Variants in TRPV4 observed in about 807,000 individuals in gnomAD.
TRPV4 encodes transient receptor potential cation channel subfamily V member 4, also known as OSM9-like transient receptor potential channel 4.
A neutral mutation model predicts 84.1 loss-of-function variants in TRPV4; 58 were observed. The ratio of observed to expected loss-of-function variants is 0.69; its 90% CI spans 0.56 to 0.86. TRPV4 has a LOEUF of 0.86. Ranked by LOEUF, TRPV4 falls within the 40% of genes least tolerant of loss-of-function variation. The pLI is 0.00. For missense variants in TRPV4, 879 were observed against 1,181.1 expected (o/e 0.74, Z 3.75); for synonymous variants, 489 against 500.9 (o/e 0.98, Z 0.32).
At chr12:109,817,295 C>T (rs1442950009) in intron 1 of TRPV4, among the ~76,000 whole-genome samples, 3 of 152,088 alleles carry the variant, frequency 2.0e-5, no homozygotes, top group Non-Finnish European at 4.4e-5. Context: ...GCCCTGAGGT[C>T]AGGGGGAGAC....
At chr12:109,794,926 G>A (rs1890298119) in intron 7 of TRPV4, among the ~76,000 whole-genome samples, 2 of 152,180 alleles carry the variant, frequency 1.3e-5, no homozygotes, top group Non-Finnish European at 2.9e-5. Context: ...GCTGAGGCAG[G>A]AGAATCACTT....
chr12:109,797,480 G>A (rs1046678115), intron 6 of TRPV4, among the ~76,000 whole-genome samples: 1 of 151,638 alleles, frequency 6.6e-6, no homozygotes, highest in Non-Finnish European at 1.5e-5. Context: ...TTGAGACAGG[G>A]TCTGGCTCTG....
At chr12:109,792,232 A>C in intron 12 of TRPV4, 131 bp downstream of exon 12, 4 of 796,354 alleles carry the variant, frequency 5.0e-6, no homozygotes, top group Non-Finnish European at 6.0e-6. Flanking sequence ...AACAGGAGCA[A>C]AACTCCACCT....
rs74707165 is a variant in TRPV4 at position 109,815,966 on chromosome 12, C to G, written c.-31-1139G>C. Among the ~76,000 whole-genome samples, 1,207 of 152,344 alleles carry G rather than the reference C, an allele frequency of 7.9e-3. 9 individuals are homozygous for G. Among genetic ancestry groups the G allele is most frequent in the Non-Finnish European group, 0.012 (845 of 68,028 alleles). On this transcript the variant is annotated intron_variant, in intron 1 of 15. Transcript: ENST00000261740. This position sits in a 1 kb window ranked among gnomAD's most constrained non-coding sequence, Gnocchi z 4.1. ...TGGTTGGCTGTCAGTGCCCTGCTCT[C>G]TGTAGCATGGTGCCAGCCAGGCAGG...
rs957376544 is a variant in TRPV4, at chr12:109,783,988, C to T, written c.2459-210G>A. Among the ~76,000 whole-genome samples the T allele has an allele frequency of 3.2e-4, 49 of 152,142 alleles. No homozygotes were observed. Among genetic ancestry groups the T allele is most frequent in the African/African-American group, 8.9e-4 (37 of 41,432 alleles). On this transcript the variant is annotated intron_variant, in intron 15 of 15. Coordinates refer to ENST00000261740, the MANE Select transcript of TRPV4 (RefSeq NM_021625.5). The surrounding 1 kb of genome is among the most constrained non-coding windows in gnomAD (Gnocchi z 4.6). ...AGGAACCAGGATTCAAGCCTGGAGC[C>T]GAATGCCCTGAGTGCCTGTGTCCTC... is the stretch of plus-strand genomic sequence containing the variant.
chr12:109,806,759 G>A (rs941757539), intron 3 of TRPV4, among the ~76,000 whole-genome samples: 2 of 151,156 alleles, frequency 1.3e-5, no homozygotes, highest in Non-Finnish European at 2.9e-5. Context: ...TACTCTCGAG[G>A]CCGAAGCAGG....
intron 2 of TRPV4, 25 bp from the exon 3 acceptor site, chr12:109,808,493 G>T (rs775393210): frequency 6.2e-7 from 1 of 1,604,104 alleles, no homozygotes; most frequent in East Asian, 2.2e-5. Context: ...GAGGCAAGTT[G>T]ATGGGAGGGC....
chr12:109,792,580 T>C, intron 11 of TRPV4, 72 bp downstream of exon 11: 4 of 1,600,210 alleles, frequency 2.5e-6, no homozygotes, highest in Non-Finnish European at 3.4e-6. Context: ...TGCAGGTGCA[T>C]AAGTGTGCAT....
intron 8 of TRPV4, 140 bp downstream of exon 8, chr12:109,794,189 T>C: frequency 3.3e-6 from 4 of 1,230,684 alleles, no homozygotes; most frequent in Non-Finnish European, 4.6e-6. Flanking sequence ...CCGTGGATGC[T>C]GGAGGGCGCC....
chr12:109,785,497 C>T (rs1025266683), intron 14 of TRPV4, among the ~76,000 whole-genome samples: 1 of 152,020 alleles, frequency 6.6e-6, no homozygotes, highest in African/African-American at 2.4e-5. Flanking sequence ...CGGCTCACTG[C>T]AACCTCCACC....
chr12:109,813,194 G>A (rs900037513), intron 2 of TRPV4, among the ~76,000 whole-genome samples: 2 of 152,110 alleles, frequency 1.3e-5, no homozygotes, highest in Non-Finnish European at 2.9e-5. Flanking sequence ...GGTGGATCAC[G>A]AGGTCAGGAG....
chr12:109,800,370 G>A (rs1170066180), intron 5 of TRPV4, among the ~76,000 whole-genome samples: 6 of 151,770 alleles, frequency 4.0e-5, no homozygotes, highest in Non-Finnish European at 8.8e-5. Flanking sequence ...GTGAGACACC[G>A]TGCCTGGCTG....
chr12:109,803,878 G>A (rs11068375), intron 3 of TRPV4, among the ~76,000 whole-genome samples: 36,673 of 152,032 alleles, frequency 0.24, 5,609 homozygotes, highest in East Asian at 0.68. Flanking sequence ...ACACTAACAG[G>A]GACTGTGAAC....
At position 109,798,925 on chromosome 12, in the gene TRPV4, G is replaced by A. The variant is rs1256809196; in HGVS notation, c.854-13C>T. On this transcript the variant is annotated splice_polypyrimidine_tract_variant and intron_variant, in intron 5 of 15. Coordinates refer to ENST00000261740, the MANE Select transcript of TRPV4 (RefSeq NM_021625.5). The surrounding 1 kb of genome is among the most constrained non-coding windows in gnomAD (Gnocchi z 5.0). ...AGGGGCAGCTCCCCTGCGGGCCAGG[G>A]TGAAGGGTGGGAGGTCAGCGAAGGG... is the stretch of plus-strand genomic sequence containing the variant. 3.1e-6 allele frequency: 5 copies of A among 1,605,910 alleles called. No homozygotes were observed. The highest frequency in any genetic ancestry group is 1.3e-5 in the African/African-American group (1 of 74,958).
chr12:109,784,173 AC>A, intron 15 of TRPV4, 142 bp downstream of exon 15: 1 of 1,357,138 alleles, frequency 7.4e-7, no homozygotes, highest in Non-Finnish European at 1.0e-6. Flanking sequence ...CCAGGCATTC[AC>A]AAGCAGCAGA....
At position 109,783,587 on chromosome 12, in the gene TRPV4, A is replaced by G; in HGVS notation, c.*34T>C. The G allele has an allele frequency of 6.2e-7, 1 of 1,603,922 alleles. No individual in the cohort carries two copies. Among genetic ancestry groups the G allele is most frequent in the Non-Finnish European group, 8.5e-7 (1 of 1,173,976 alleles). Reference sequence around the variant, plus strand: ...CTGAAATGCGGCTGGACTAGAAATGAGTGGGCAGAGAAGCTGGGGCTGGGC... The same window carrying G: ...CTGAAATGCGGCTGGACTAGAAATGGGTGGGCAGAGAAGCTGGGGCTGGGC... On this transcript the variant is annotated 3_prime_UTR_variant, in exon 16 of 16. Transcript: ENST00000261740. This position sits in a 1 kb window ranked among gnomAD's most constrained non-coding sequence, Gnocchi z 4.6.
intron 1 of TRPV4, among the ~76,000 whole-genome samples, chr12:109,821,136 G>A (rs1256376673): frequency 6.6e-6 from 1 of 152,254 alleles, no homozygotes; most frequent in Non-Finnish European, 1.5e-5. Flanking sequence ...AAATCTGGGG[G>A]CAAGTTTGGG....
Position 109,814,730 on chromosome 12 carries a change from T to G in TRPV4, c.67A>C (p.Ser23Arg). ...GEVAELPGDE[S>R]GTPGGEAFPL... ...AAAGCCTCCCCACCTGGGGTGCCAC[T>G]CTCATCCCCGGGGAGCTCAGCCACC... is the stretch of plus-strand genomic sequence containing the variant. The change falls in exon 2 of 16, where the codon AGT becomes CGT. Residue 23 changes from serine to arginine, a missense_variant. Transcript: ENST00000261740. This position sits in a 1 kb window ranked among gnomAD's most constrained non-coding sequence, Gnocchi z 5.4. The G allele has an allele frequency of 6.3e-7, 1 of 1,595,458 alleles. No individual in the cohort carries two copies. Among genetic ancestry groups the G allele is most frequent in the Non-Finnish European group, 8.5e-7 (1 of 1,172,078 alleles).
At position 109,796,768 on chromosome 12, in the gene TRPV4, C is replaced by A. The variant is rs1890428299; in HGVS notation, c.1153-64G>T. The stretch of plus-strand genomic sequence containing the variant: ...GAAAGACCCCCAGGGCTGGGCCCAG[C>A]TCAGCACATGACGCCTCCCCAGAAA... On this transcript the variant is annotated intron_variant, in intron 6 of 15. Coordinates refer to ENST00000261740, the MANE Select transcript of TRPV4 (RefSeq NM_021625.5). This position sits in a 1 kb window ranked among gnomAD's most constrained non-coding sequence, Gnocchi z 4.2. 1.3e-6 allele frequency: 2 copies of A among 1,540,000 alleles called. No individual in the cohort carries two copies. Among genetic ancestry groups the A allele is most frequent in the Non-Finnish European group, 1.8e-6 (2 of 1,140,298 alleles).
Sources: gnomAD v4.1 joint callset for allele counts (sites outside exome capture counted in the v4.1 genomes callset) on GRCh38, gnomAD v4.1.1 for gene constraint, Gnocchi (gnomAD v3.1) non-coding constraint, MANE v1.5 for transcripts, NCBI Gene and HGNC (gene_info 2026-07-23, HGNC 2026-07-21) for gene names.